CACNA1E: variants seen among roughly 807,000 people sequenced by gnomAD.
CACNA1E encodes the protein calcium voltage-gated channel subunit alpha1 E.
In CACNA1E, 40 loss-of-function variants were observed where a neutral mutation model predicts 259.2. That is an observed-to-expected ratio of 0.15 (90% CI 0.12 to 0.20). The LOEUF is 0.20. Ranked by LOEUF, CACNA1E falls within the 10% of genes least tolerant of loss-of-function variation. CACNA1E has a pLI of 1.00. For missense variants in CACNA1E, 1,874 were observed against 3,040.1 expected, an observed-to-expected ratio of 0.62 and a Z score of 9.02; for synonymous variants, 1,104 against 1,138.5, an observed-to-expected ratio of 0.97 and a Z score of 0.61.
At chr1:181,439,701 C>G (rs533753119) in intron 2 of CACNA1E, among the ~76,000 whole-genome samples, 5 of 152,298 alleles carry the variant, frequency 3.3e-5, no homozygotes, top group Admixed American at 6.5e-5. Context: ...GGGCAAGCCT[C>G]TCCCACAGAT....
At chr1:181,613,933 T>C (rs762169084) in intron 6 of CACNA1E, among the ~76,000 whole-genome samples, 12 of 152,234 alleles carry the variant, frequency 7.9e-5, no homozygotes, top group Non-Finnish European at 1.5e-4. Context: ...TGACATTTTT[T>C]TAAGCCAAAT....
chr1:181,466,353 G>A (rs533031806), intron 2 of CACNA1E, among the ~76,000 whole-genome samples: 10 of 151,610 alleles, frequency 6.6e-5, no homozygotes, highest in Non-Finnish European at 1.3e-4. Flanking sequence ...GAACAGCCTG[G>A]CCAACATGGC....
intron 6 of CACNA1E, among the ~76,000 whole-genome samples, chr1:181,641,707 T>G (rs1190669728): frequency 5.9e-5 from 1 of 17,018 alleles, no homozygotes; most frequent in Non-Finnish European, 2.2e-4. Context: ...TTTTTTGTTT[T>G]TTTTTTTTTT....
chr1:181,695,824 G>A (rs1572627503), intron 7 of CACNA1E, among the ~76,000 whole-genome samples: 1 of 152,240 alleles, frequency 6.6e-6, no homozygotes, highest in Admixed American at 6.5e-5. Context: ...GTGTGGTGGT[G>A]TCTGCCTGTA....
At chr1:181,618,006 T>C (rs181661122) in intron 6 of CACNA1E, among the ~76,000 whole-genome samples, 9 of 152,334 alleles carry the variant, frequency 5.9e-5, no homozygotes, top group Non-Finnish European at 8.8e-5. Context: ...AAAGTTGATA[T>C]GGCTTTTTCC....
chr1:181,587,927 T>G, intron 6 of CACNA1E, among the ~76,000 whole-genome samples: 1 of 152,244 alleles, frequency 6.6e-6, no homozygotes, highest in Non-Finnish European at 1.5e-5. Flanking sequence ...CTCTTGAATC[T>G]GCTGGACAAA....
chr1:181,794,240 CTTA>C (rs1312562337), intron 45 of CACNA1E, among the ~76,000 whole-genome samples: 1 of 152,168 alleles, frequency 6.6e-6, no homozygotes, highest in Non-Finnish European at 1.5e-5. Context: ...GTCTGTCGGT[CTTA>C]CATCAGGTTT....
intron 32 of CACNA1E, among the ~76,000 whole-genome samples, chr1:181,759,543 G>T (rs1282790650): frequency 2.0e-5 from 3 of 151,958 alleles, no homozygotes; most frequent in Non-Finnish European, 4.4e-5. Context: ...AATTATAATT[G>T]TTGGGCAAAT....
intron 6 of CACNA1E, among the ~76,000 whole-genome samples, chr1:181,629,491 A>G (rs1288387851): frequency 1.3e-5 from 2 of 152,220 alleles, no homozygotes; most frequent in African/African-American, 2.4e-5. Context: ...GAGGGAAAAA[A>G]CATGAATATT....
At chr1:181,574,909 C>T (rs1299935556) in intron 3 of CACNA1E, among the ~76,000 whole-genome samples, 1 of 151,996 alleles carries the variant, frequency 6.6e-6, no homozygotes, top group African/African-American at 2.4e-5. Flanking sequence ...CCTGTAATCC[C>T]AGCTACTCGG....
At chr1:181,618,084 G>A (rs1173959577) in intron 6 of CACNA1E, among the ~76,000 whole-genome samples, 2 of 152,108 alleles carry the variant, frequency 1.3e-5, no homozygotes, top group East Asian at 1.9e-4. Context: ...ATTCGCCTAC[G>A]GTGCTGTTTT....
intron 25 of CACNA1E, among the ~76,000 whole-genome samples, chr1:181,740,890 A>G (rs1283203145): frequency 6.6e-6 from 1 of 152,158 alleles, no homozygotes; most frequent in Non-Finnish European, 1.5e-5. Context: ...TCATGGTGCA[A>G]TGAAAGGAAA....
At chr1:181,736,145 G>T in intron 21 of CACNA1E, 130 bp from the exon 22 acceptor site, 1 of 1,064,068 alleles carries the variant, frequency 9.4e-7, no homozygotes, top group Non-Finnish European at 1.3e-6. Context: ...CCCAGTGCCT[G>T]CAGGGCACCT....
chr1:181,343,358 T>G (rs1439136758), intron 1 of CACNA1E, among the ~76,000 whole-genome samples: 1 of 152,124 alleles, frequency 6.6e-6, no homozygotes, highest in Non-Finnish European at 1.5e-5. Flanking sequence ...CATGAGCAGC[T>G]TAGTGCTGTC....
intron 1 of CACNA1E, among the ~76,000 whole-genome samples, chr1:181,345,362 C>T (rs577687451): frequency 9.2e-5 from 14 of 152,188 alleles, no homozygotes; most frequent in Non-Finnish European, 1.3e-4. Context: ...GAAACACTGG[C>T]GGATGAAGGG....
chr1:181,718,611 A>ACAC (rs1654126652), intron 12 of CACNA1E, among the ~76,000 whole-genome samples: 2 of 124,246 alleles, frequency 1.6e-5, no homozygotes, highest in Non-Finnish European at 1.7e-5. Context: ...CCCTCATTCA[A>ACAC]ACACACACAC....
intron 46 of CACNA1E, among the ~76,000 whole-genome samples, chr1:181,796,260 T>C (rs186551243): frequency 1.3e-5 from 2 of 152,320 alleles, no homozygotes; most frequent in East Asian, 3.9e-4. Context: ...GCCTATCTTT[T>C]TTCAGGCTGC....
At chr1:181,436,987 T>C (rs1558004155) in intron 2 of CACNA1E, among the ~76,000 whole-genome samples, 1 of 152,166 alleles carries the variant, frequency 6.6e-6, no homozygotes, top group East Asian at 1.9e-4. Context: ...TATACAATTA[T>C]TATGTCAATT....
intron 16 of CACNA1E, among the ~76,000 whole-genome samples, chr1:181,723,309 T>A (rs59390876): frequency 0.025 from 3,853 of 152,214 alleles, 165 homozygotes; most frequent in African/African-American, 0.088. Flanking sequence ...GCTCCCATAC[T>A]GAGCTCCCTA....
Sources: gnomAD v4.1 joint callset for allele counts (sites outside exome capture counted in the v4.1 genomes callset) on GRCh38, gnomAD v4.1.1 for gene constraint, MANE v1.5 for transcripts, NCBI Gene and HGNC (gene_info 2026-07-23, HGNC 2026-07-21) for gene names.